LSAMP: variants seen among roughly 807,000 people sequenced by gnomAD.
The protein encoded by LSAMP is limbic system associated membrane protein.
In LSAMP, 7 loss-of-function variants were observed where a neutral mutation model predicts 38.6. The ratio of observed to expected loss-of-function variants is 0.18; its 90% CI spans 0.10 to 0.34. The LOEUF (loss-of-function observed/expected upper bound fraction) is 0.34. Among genes scored for constraint, LSAMP ranks in the 10% least tolerant of loss-of-function variants. The pLI is 1.00. For synonymous variants in LSAMP, 154 were observed against 166.8 expected (o/e 0.92, Z 0.59); for missense variants, 313 against 420.0 (o/e 0.75, Z 2.23).
At chr3:116,359,595 CA>C (rs1404851188) in intron 1 of LSAMP, among the ~76,000 whole-genome samples, 46 of 152,124 alleles carry the variant, frequency 3.0e-4, no homozygotes, top group African/African-American at 1.1e-3. Context: ...TTTTTAAGTT[CA>C]GGGGTACATG....
At chr3:116,164,743 C>CATATATATAT (rs1329964354) in intron 1 of LSAMP, among the ~76,000 whole-genome samples, 23 of 48,442 alleles carry the variant, frequency 4.7e-4, no homozygotes, top group East Asian at 8.4e-4. Flanking sequence ...TATATATATC[C>CATATATATAT]ATATATATAT....
chr3:116,061,202 T>C (rs930959366), intron 2 of LSAMP, among the ~76,000 whole-genome samples: 2 of 152,124 alleles, frequency 1.3e-5, no homozygotes, highest in East Asian at 1.9e-4. Context: ...ATCAAGTAAA[T>C]AGCTAGTCAT....
intron 3 of LSAMP, among the ~76,000 whole-genome samples, chr3:115,868,790 A>G (rs1380801106): frequency 6.6e-6 from 1 of 152,150 alleles, no homozygotes; most frequent in Non-Finnish European, 1.5e-5. Context: ...ACAGATTCTC[A>G]AAATTGTTCA....
At chr3:116,387,076 C>T (rs989987970) in intron 1 of LSAMP, among the ~76,000 whole-genome samples, 1 of 152,112 alleles carries the variant, frequency 6.6e-6, no homozygotes, top group Non-Finnish European at 1.5e-5. Flanking sequence ...TGAGGGAGAA[C>T]ATGGATATCA....
intron 1 of LSAMP, among the ~76,000 whole-genome samples, chr3:116,189,540 G>A (rs1279642351): frequency 6.6e-6 from 1 of 152,144 alleles, no homozygotes; most frequent in Non-Finnish European, 1.5e-5. Flanking sequence ...TCTAGGGAAG[G>A]CCTTCAACAG....
At chr3:116,146,035 T>G (rs2107521405) in intron 1 of LSAMP, among the ~76,000 whole-genome samples, 1 of 152,060 alleles carries the variant, frequency 6.6e-6, no homozygotes, top group Non-Finnish European at 1.5e-5. Flanking sequence ...TGGTTTCAAT[T>G]TCACACAAGA....
chr3:116,220,709 G>C (rs911821165), intron 1 of LSAMP, among the ~76,000 whole-genome samples: 2 of 152,166 alleles, frequency 1.3e-5, no homozygotes, highest in African/African-American at 4.8e-5. Flanking sequence ...AATGAGATAA[G>C]GGATTTGGGG....
intron 1 of LSAMP, among the ~76,000 whole-genome samples, chr3:116,224,232 C>T (rs1190767989): frequency 6.6e-6 from 1 of 152,092 alleles, no homozygotes; most frequent in Non-Finnish European, 1.5e-5. Flanking sequence ...TACTCCATGC[C>T]CAGAAAATAA....
intron 3 of LSAMP, among the ~76,000 whole-genome samples, chr3:115,967,826 C>T (rs1302701099): frequency 6.6e-6 from 1 of 151,996 alleles, no homozygotes; most frequent in Non-Finnish European, 1.5e-5. Flanking sequence ...AAAGGCCTAC[C>T]CCCATCATTC....
chr3:115,887,296 T>A (rs1936479834), intron 3 of LSAMP, among the ~76,000 whole-genome samples: 1 of 151,968 alleles, frequency 6.6e-6, no homozygotes, highest in African/African-American at 2.4e-5. Flanking sequence ...TATATCATTT[T>A]ATAATTTTAT....
intron 1 of LSAMP, among the ~76,000 whole-genome samples, chr3:116,176,757 AGTG>A (rs1426721109): frequency 6.6e-6 from 1 of 152,144 alleles, no homozygotes; most frequent in East Asian, 1.9e-4. Flanking sequence ...TTTGAGGGGA[AGTG>A]GTGTGATTAT....
intron 1 of LSAMP, among the ~76,000 whole-genome samples, chr3:116,265,633 C>T (rs1050500598): frequency 6.6e-6 from 1 of 152,192 alleles, no homozygotes. Context: ...GGCGTAACAG[C>T]AGTCCCAAGA....
At chr3:115,984,726 C>T (rs1250938428) in intron 3 of LSAMP, among the ~76,000 whole-genome samples, 8 of 152,156 alleles carry the variant, frequency 5.3e-5, no homozygotes, top group African/African-American at 1.9e-4. Context: ...TTGAGGGGTA[C>T]ACACTATAGT....
In LSAMP at chr3:115,958,090, A is replaced by G. The variant is rs145521856; in HGVS notation, c.514+61425T>C. Among the ~76,000 whole-genome samples the G allele has an allele frequency of 6.6e-5, 10 of 152,316 alleles. No homozygotes were observed. In the East Asian group the frequency reaches 1.9e-3, roughly 29 times the overall value. On this transcript the variant is annotated intron_variant, in intron 3 of 6. Transcript: ENST00000490035. Reference sequence around the variant, plus strand: ...ACTTACATTAAAAAAATCTATTCATATATGCACACACACATACATACGCAC... The same window carrying G: ...ACTTACATTAAAAAAATCTATTCATGTATGCACACACACATACATACGCAC...
At chr3:115,832,759 T>C (rs1934657227) in intron 6 of LSAMP, among the ~76,000 whole-genome samples, 1 of 152,138 alleles carries the variant, frequency 6.6e-6, no homozygotes, top group African/African-American at 2.4e-5. Flanking sequence ...TAAACTATAT[T>C]CTCTAAAAAC....
chr3:116,339,971 C>T (rs1576142475), intron 1 of LSAMP, among the ~76,000 whole-genome samples: 1 of 151,976 alleles, frequency 6.6e-6, no homozygotes, highest in South Asian at 2.1e-4. Context: ...AATTCCTGAC[C>T]CAGAGTCTAG....
At chr3:116,396,018 T>G (rs957716207) in intron 1 of LSAMP, among the ~76,000 whole-genome samples, 1 of 152,212 alleles carries the variant, frequency 6.6e-6, no homozygotes, top group African/African-American at 2.4e-5. Context: ...CAGTGAAAGC[T>G]CTTCAAAAGC....
intron 6 of LSAMP, among the ~76,000 whole-genome samples, chr3:115,836,060 G>C (rs1280644890): frequency 1.3e-5 from 2 of 152,074 alleles, no homozygotes; most frequent in Non-Finnish European, 2.9e-5. Flanking sequence ...AAATGACTCA[G>C]CTTAATATTT....
At chr3:115,936,693 G>A (rs1937712701) in intron 3 of LSAMP, among the ~76,000 whole-genome samples, 1 of 152,128 alleles carries the variant, frequency 6.6e-6, no homozygotes, top group South Asian at 2.1e-4. Context: ...CAAGGAAGAA[G>A]TCATGTCCAA....
Sources: gnomAD v4.1 joint callset for allele counts (sites outside exome capture counted in the v4.1 genomes callset) on GRCh38, gnomAD v4.1.1 for gene constraint, MANE v1.5 for transcripts, NCBI Gene and HGNC (gene_info 2026-07-23, HGNC 2026-07-21) for gene names.